Variants in ESR2 observed in about 807,000 individuals in gnomAD.
ESR2 encodes the protein estrogen receptor beta.
In ESR2, 36 loss-of-function variants were observed where a neutral mutation model predicts 49.6. That is an observed-to-expected ratio of 0.73 (90% CI 0.56 to 0.96). The LOEUF is 0.96. Ranked by LOEUF, ESR2 falls within the 40% of genes least tolerant of loss-of-function variation. The pLI is 0.00. For missense variants in ESR2, 714 were observed against 693.0 expected, an observed-to-expected ratio of 1.03 and a Z score of -0.34; for synonymous variants, 320 against 266.1, an observed-to-expected ratio of 1.20 and a Z score of -1.97.
chr14:64,279,849 T>A, intron 3 of ESR2, 132 bp downstream of exon 3: 2 of 748,368 alleles, frequency 2.7e-6, no homozygotes, highest in South Asian at 1.7e-5. Flanking sequence ...ACACACATGA[T>A]CCTCTGAACT....
At chr14:64,334,829 T>C (rs2077509160) in intron 1 of ESR2, among the ~76,000 whole-genome samples, 1 of 152,198 alleles carries the variant, frequency 6.6e-6, no homozygotes. Flanking sequence ...GTATTTTTAG[T>C]AGAGACGGGG....
intron 7 of ESR2, among the ~76,000 whole-genome samples, chr14:64,243,344 A>G (rs2075778545): frequency 6.6e-6 from 1 of 152,254 alleles, no homozygotes; most frequent in African/African-American, 2.4e-5. Flanking sequence ...TGTAATAGAT[A>G]TAATGAAAAA....
At chr14:64,282,179 A>G (rs528199997) in intron 2 of ESR2, among the ~76,000 whole-genome samples, 1 of 152,318 alleles carries the variant, frequency 6.6e-6, no homozygotes, top group East Asian at 1.9e-4. Context: ...CCCTGTCTCT[A>G]CTAAAAATTT....
chr14:64,329,506 G>C (rs1049364305), intron 1 of ESR2: 1 of 152,210 alleles, frequency 6.6e-6, no homozygotes, highest in East Asian at 1.9e-4. Flanking sequence ...ATTTGGGCCA[G>C]GCACTGTGGC....
rs1181567184 is a variant in ESR2 at position 64,249,500 on chromosome 14, A to C, written c.1225+46T>G. On this transcript the variant is annotated intron_variant, in intron 7 of 8. Coordinates refer to ENST00000341099, the MANE Select transcript of ESR2 (RefSeq NM_001437.3). ...TTAATATCACGCTAGTTGTAGAAAC[A>C]GCATCTCTCCCCGATAAAACATGGC... 6 of 1,594,428 alleles carry C rather than the reference A, an allele frequency of 3.8e-6. No individual in the cohort carries two copies. In the South Asian group the frequency reaches 6.9e-5, roughly 18 times the overall value.
chr14:64,257,257 G>C lies in ESR2; in HGVS notation c.1060C>G (p.Leu354Val). 6.2e-7 allele frequency: 1 copy of C among 1,614,170 alleles called. No individual in the cohort carries two copies. Among genetic ancestry groups the C allele is most frequent in the Non-Finnish European group, 8.5e-7 (1 of 1,180,030 alleles). ...AGAACAAGATCTGGAGCAAAGATGAGCTTGCCGGGGTGGTCAATTGAGCGC... is the reference window on the plus strand; with the variant it reads ...AGAACAAGATCTGGAGCAAAGATGACCTTGCCGGGGTGGTCAATTGAGCGC... ...MWRSIDHPGK[L>V]IFAPDLVLDR... is the part of the protein sequence containing the mutation. Residue 354 changes from leucine to valine, a missense_variant, in exon 6 of 9, where the codon CTC becomes GTC. Leu to Val is a conservative substitution (Grantham distance 32). Transcript: ENST00000341099.
At chr14:64,295,659 T>G (rs1031827781), upstream of ESR2, among the ~76,000 whole-genome samples, 1 of 152,072 alleles carries the variant, frequency 6.6e-6, no homozygotes, top group Non-Finnish European at 1.5e-5. Flanking sequence ...AGCCTCCCTG[T>G]CTCCTGTCCT....
Position 64,308,685 on chromosome 14 carries a change from GT to G in ESR2, c.-90-25611del, listed in dbSNP as rs751150659. 1.5e-3 allele frequency among the ~76,000 whole-genome samples: 231 copies of G among 151,694 alleles called. 1 individual carries two copies. Among genetic ancestry groups the G allele is most frequent in the African/African-American group, 5.2e-3 (215 of 41,390 alleles). ...CTATAAATATCAGGTCACATTGGCT[GT>G]TTTTTTTATTAATTATTTTTTATGA... On this transcript the variant is annotated intron_variant, in intron 1 of 8. Coordinates refer to the ESR2 transcript ENST00000358599.
At chr14:64,300,733 G>A (rs1451755398) in intron 1 of ESR2, among the ~76,000 whole-genome samples, 2 of 152,008 alleles carry the variant, frequency 1.3e-5, no homozygotes, top group Admixed American at 6.6e-5. Flanking sequence ...TTCAGCCTGG[G>A]TGATAGATAC....
intron 4 of ESR2, among the ~76,000 whole-genome samples, chr14:64,264,738 G>A (rs1040207498): frequency 2.0e-5 from 3 of 151,850 alleles, no homozygotes; most frequent in Non-Finnish European, 2.9e-5. Context: ...AGGCATGGTG[G>A]TGCACACACC....
chr14:64,267,808 C>T (rs368655792), intron 4 of ESR2, among the ~76,000 whole-genome samples: 9 of 148,486 alleles, frequency 6.1e-5, no homozygotes, highest in East Asian at 2.0e-4. Context: ...GATGTGAACC[C>T]GGGAGGCAGA....
chr14:64,294,947 G>A (rs1215308121), upstream of ESR2, among the ~76,000 whole-genome samples: 1 of 152,222 alleles, frequency 6.6e-6, no homozygotes, highest in Non-Finnish European at 1.5e-5. Context: ...TGGCACCGGG[G>A]AGACCTGTGC....
At chr14:64,281,647 C>G (rs1466742484) in intron 2 of ESR2, among the ~76,000 whole-genome samples, 2 of 152,170 alleles carry the variant, frequency 1.3e-5, no homozygotes, top group Non-Finnish European at 2.9e-5. Context: ...CTCCCCCTCT[C>G]CTTTCTCATT....
chr14:64,291,048 A>G (rs201051321), intron 1 of ESR2, among the ~76,000 whole-genome samples: 3 of 152,280 alleles, frequency 2.0e-5, no homozygotes, highest in African/African-American at 7.2e-5. Flanking sequence ...AACACCAACA[A>G]CAGCCACAGA....
chr14:64,272,670 T>TCAAA (rs2076475192), intron 3 of ESR2, among the ~76,000 whole-genome samples: 1 of 152,128 alleles, frequency 6.6e-6, no homozygotes, highest in African/African-American at 2.4e-5. Context: ...AAAAATGAGT[T>TCAAA]AACTGTAGAT....
intron 7 of ESR2, among the ~76,000 whole-genome samples, chr14:64,244,659 C>T (rs11850375): frequency 0.043 from 6,553 of 152,274 alleles, 341 homozygotes; most frequent in African/African-American, 0.12. Context: ...CTGAGGGTTA[C>T]ACCACCAGCT....
intron 1 of ESR2, among the ~76,000 whole-genome samples, chr14:64,289,307 G>T (rs1297308089): frequency 5.3e-5 from 8 of 152,100 alleles, no homozygotes; most frequent in Non-Finnish European, 1.2e-4. Context: ...GAGGTCGGGA[G>T]TTTGAGACCA....
At chr14:64,248,769 G>A (rs959053158) in intron 7 of ESR2, among the ~76,000 whole-genome samples, 6 of 151,852 alleles carry the variant, frequency 4.0e-5, no homozygotes, top group African/African-American at 9.7e-5. Flanking sequence ...CTGACCTCAC[G>A]CCATAATGTC....
In ESR2 at chr14:64,268,832, T is replaced by C. The variant is rs919374831; in HGVS notation, c.615A>G (p.Arg205=). Residue 205 remains arginine (R), a synonymous_variant, in exon 4 of 9, where the codon CGA becomes CGG. Coordinates refer to ENST00000341099, the MANE Select transcript of ESR2 (RefSeq NM_001437.3). ...KNRRKSCQAC[R]LRKCYEVGMV... The stretch of plus-strand genomic sequence containing the variant: ...TTCCCACTTCGTAACACTTCCGAAG[T>C]CGGCAGGCCTGGCAGCTCTTGCGCC... 6.2e-7 allele frequency: 1 copy of C among 1,613,740 alleles called. No individual in the cohort carries two copies. Among genetic ancestry groups the C allele is most frequent in the African/African-American group, 1.3e-5 (1 of 74,914 alleles).
Sources: allele counts gnomAD v4.1 joint callset (sites outside exome capture counted in the v4.1 genomes callset), GRCh38; gene constraint gnomAD v4.1.1; transcripts MANE v1.5; gene names NCBI Gene and HGNC (gene_info 2026-07-23, HGNC 2026-07-21).